Variants in ATP2B3 observed in about 807,000 individuals in gnomAD.
ATP2B3 encodes plasma membrane calcium-transporting ATPase 3.
In ATP2B3, 12 loss-of-function variants were observed where a neutral mutation model predicts 70.8. The ratio of observed to expected loss-of-function variants is 0.17; its 90% CI spans 0.11 to 0.27. ATP2B3 has a LOEUF of 0.27. ATP2B3 is among the 10% of genes least tolerant of loss of function. The probability of loss-of-function intolerance (pLI) is 1.00; values close to 1 mark genes in which losing one functional copy is unlikely to be tolerated. For missense variants in ATP2B3, 858 were observed against 1,118.5 expected (o/e 0.77, Z 3.32); for synonymous variants, 460 against 497.8 (o/e 0.92, Z 1.01).
intron 20 of ATP2B3, among the ~76,000 whole-genome samples, chrX:153,563,691 C>T (rs781977794): frequency 2.7e-5 from 3 of 112,555 alleles, no homozygotes; most frequent in African/African-American, 6.5e-5. Flanking sequence ...GGGTGCCAGG[C>T]CCTCTTCTTG....
intron 16 of ATP2B3, 60 bp downstream of exon 16, chrX:153,557,083 G>T: frequency 9.5e-7 from 1 of 1,053,093 alleles, no homozygotes; most frequent in Non-Finnish European, 1.3e-6. Context: ...TCTGTCCCAT[G>T]GACATTAGCT....
At chrX:153,560,960 G>A (rs782604538) in intron 19 of ATP2B3, 73 bp downstream of exon 19, 15 of 1,132,555 alleles carry the variant, frequency 1.3e-5, no homozygotes, top group Admixed American at 2.3e-5. Context: ...AAGACCCCTC[G>A]TCCACCCCTA....
chrX:153,575,524 G>A (rs990012424), intron 21 of ATP2B3, among the ~76,000 whole-genome samples: 74 of 112,257 alleles, frequency 6.6e-4, no homozygotes, highest in African/African-American at 2.4e-3. Context: ...ACAGCCAGTG[G>A]AGGGCTTGTA....
intron 2 of ATP2B3, among the ~76,000 whole-genome samples, chrX:153,531,712 A>C (rs1169696763): frequency 2.7e-5 from 3 of 112,824 alleles, no homozygotes; most frequent in Non-Finnish European, 5.6e-5. Context: ...CTGAGGGTCC[A>C]GTGACTAGGG....
chrX:153,531,526 G>A (rs1461731221), intron 2 of ATP2B3, among the ~76,000 whole-genome samples: 4 of 113,190 alleles, frequency 3.5e-5, no homozygotes, highest in African/African-American at 1.3e-4. Flanking sequence ...GTGACGGACA[G>A]TCTGCCTTCA....
rs782735370 is a variant in ATP2B3, at chrX:153,553,093, G to T, written c.1882G>T (p.Asp628Tyr). 7 of 1,209,392 alleles carry T rather than the reference G, an allele frequency of 5.8e-6. No homozygotes were observed. Among genetic ancestry groups the T allele is most frequent in the Non-Finnish European group, 6.7e-6 (6 of 893,389 alleles). The change falls in exon 13 of 22, where the codon GAC (aspartate) becomes TAC (tyrosine). Residue 628 changes from aspartate to tyrosine, a missense_variant. This residue lies in a region of ATP2B3 where 242 missense variants were observed against 281.3 expected (regional missense o/e 0.86). Transcript: ENST00000263519. Reference sequence around the variant, plus strand: ...CCGGGGCTTTCGGCCTCGGGACCGGGACGACATGGTGAGGAAGATCATCGA... The same window carrying T: ...CCGGGGCTTTCGGCCTCGGGACCGGTACGACATGGTGAGGAAGATCATCGA... ...ELRGFRPRDR[D>Y]DMVRKIIEPM...
intron 2 of ATP2B3, among the ~76,000 whole-genome samples, chrX:153,533,620 C>T (rs2090148478): frequency 9.0e-6 from 1 of 110,783 alleles, no homozygotes; most frequent in East Asian, 2.9e-4. Flanking sequence ...GTCCACAGGA[C>T]GTGGAGCTTG....
intron 21 of ATP2B3, among the ~76,000 whole-genome samples, chrX:153,566,857 C>T (rs1030012562): frequency 8.9e-5 from 10 of 111,972 alleles, no homozygotes; most frequent in Admixed American, 7.6e-4. Flanking sequence ...TCCTCTCACT[C>T]TCACCACGGG....
intron 2 of ATP2B3, among the ~76,000 whole-genome samples, chrX:153,525,029 G>A (rs374732885): frequency 8.2e-4 from 92 of 111,946 alleles, no homozygotes; most frequent in Non-Finnish European, 1.4e-3. Flanking sequence ...GCAGTACAGC[G>A]CCATCCTGAG....
intron 2 of ATP2B3, among the ~76,000 whole-genome samples, chrX:153,524,786 G>A (rs1556999145): frequency 9.0e-6 from 1 of 111,379 alleles, no homozygotes; most frequent in Admixed American, 9.5e-5. Flanking sequence ...CTGACCTGCC[G>A]GCCCCACCTC....
chrX:153,581,083 T>A lies in ATP2B3; in HGVS notation c.*785T>A, dbSNP rs73247611. 3,115 of 22,563 alleles carry A rather than the reference T, an allele frequency of 0.14. 44 individuals are homozygous for A. Among genetic ancestry groups the A allele is most frequent in the Middle Eastern group, 0.29 (7 of 24 alleles). 1.9% of individuals were successfully genotyped at this position (22,563 alleles called of 1,213,427 possible). On this transcript the variant is annotated 3_prime_UTR_variant, in exon 22 of 22. Transcript: ENST00000263519. ...TTATTGAATGTAGCAAGGTTGTAGT[T>A]GTTTTTTTTTTTTTTTCAGGGAACT...
intron 2 of ATP2B3, among the ~76,000 whole-genome samples, chrX:153,529,623 G>A (rs146155490): frequency 0.012 from 1,346 of 112,057 alleles, 24 homozygotes; most frequent in African/African-American, 0.042. Context: ...AGGGGCAGAA[G>A]CACATTCATG....
intron 16 of ATP2B3, among the ~76,000 whole-genome samples, chrX:153,557,582 G>A (rs1220161779): frequency 8.9e-6 from 1 of 112,280 alleles, no homozygotes; most frequent in Non-Finnish European, 1.9e-5. Flanking sequence ...CCAGAAGGGA[G>A]CTCCAGCCCA....
At chrX:153,535,718 T>C (rs1204107255) in intron 2 of ATP2B3, among the ~76,000 whole-genome samples, 2 of 112,822 alleles carry the variant, frequency 1.8e-5, no homozygotes, top group African/African-American at 6.4e-5. Flanking sequence ...AGCGCAGGAC[T>C]GGTGGTGGGG....
chrX:153,549,299 G>A (rs781829427), intron 10 of ATP2B3, among the ~76,000 whole-genome samples, 198 bp from the exon 11 acceptor site: 8 of 110,112 alleles, frequency 7.3e-5, no homozygotes, highest in Admixed American at 4.8e-4. Context: ...TGCGCATCCC[G>A]CCCCCACCAT....
At chrX:153,543,204 G>T (rs782076113) in intron 7 of ATP2B3, 36 bp downstream of exon 7, 1 of 1,187,787 alleles carries the variant, frequency 8.4e-7, no homozygotes, top group Middle Eastern at 2.7e-4. Context: ...TGGTGCTGGT[G>T]GCGGCTCCTT....
At chrX:153,560,576 C>A in intron 18 of ATP2B3, 100 bp from the exon 19 acceptor site, 1 of 953,225 alleles carries the variant, frequency 1.0e-6, no homozygotes, top group East Asian at 3.3e-5. Flanking sequence ...TCCCCTGGGA[C>A]AAGGGACCCA....
At chrX:153,527,260 G>A (rs2090048193) in intron 2 of ATP2B3, among the ~76,000 whole-genome samples, 1 of 112,520 alleles carries the variant, frequency 8.9e-6, no homozygotes, top group Non-Finnish European at 1.9e-5. Context: ...ACAGGGACCC[G>A]GCTTCCCATT....
intron 13 of ATP2B3, 89 bp downstream of exon 13, chrX:153,553,358 C>T (rs782358900): frequency 1.4e-4 from 116 of 809,750 alleles, no homozygotes; most frequent in Non-Finnish European, 1.9e-4. Context: ...TTCCTTCACA[C>T]ACAGCTGCTG....
Sources: gnomAD v4.1 joint callset for allele counts (sites outside exome capture counted in the v4.1 genomes callset) on GRCh38, gnomAD v4.1.1 for gene constraint, gnomAD v4.1.1 regional missense constraint, MANE v1.5 for transcripts, NCBI Gene and HGNC (gene_info 2026-07-23, HGNC 2026-07-21) for gene names.